Variants in EXTL2 observed in about 807,000 individuals in gnomAD.
EXTL2 encodes the protein exostosin like glycosyltransferase 2, also known as exostosin-like 2.
A neutral mutation model predicts 30.7 loss-of-function variants in EXTL2; 23 were observed. The ratio of observed to expected loss-of-function variants is 0.75; its 90% CI spans 0.54 to 1.06. The LOEUF is 1.06. Among genes scored for constraint, EXTL2 ranks in the 50% least tolerant of loss-of-function variants. The pLI, the probability that EXTL2 is intolerant of heterozygous loss-of-function variation, is 0.00. For synonymous variants in EXTL2, 123 were observed against 133.8 expected, an observed-to-expected ratio of 0.92 and a Z score of 0.56; for missense variants, 352 against 396.3, an observed-to-expected ratio of 0.89 and a Z score of 0.95.
At chr1:100,893,389 C>T (rs897266800) in intron 1 of EXTL2, among the ~76,000 whole-genome samples, 1 of 152,264 alleles carries the variant, frequency 6.6e-6, no homozygotes, top group South Asian at 2.1e-4. Flanking sequence ...TCACACTGCT[C>T]CAAGGGCATC....
intron 2 of EXTL2, chr1:100,878,487 C>G (rs1305897627): frequency 1.5e-5 from 7 of 470,284 alleles, no homozygotes; most frequent in African/African-American, 1.2e-4. Context: ...AAGGTGTCTG[C>G]TGTTAGTAGC....
Position 100,877,423 on chromosome 1 carries a change from C to T in EXTL2, c.433+53G>A, listed in dbSNP as rs1649209555. 6.8e-7 allele frequency: 1 copy of T among 1,461,738 alleles called. No homozygotes were observed. Among genetic ancestry groups the T allele is most frequent in the South Asian group, 1.4e-5 (1 of 72,360 alleles). 90.5% of individuals were successfully genotyped at this position (1,461,738 alleles called of 1,614,324 possible). ...AAGGCCAGAAATTCACATGTCTGTC[C>T]CAGCTCTGGACAGCGGCAGCCTTTC... On this transcript the variant is annotated intron_variant, in intron 3 of 4. Transcript: ENST00000370114. This position sits in a 1 kb window ranked among gnomAD's most constrained non-coding sequence, Gnocchi z 4.1.
rs114473090 is a variant in EXTL2 at position 100,875,743 on chromosome 1, C to A, written c.504+1051G>T. Among the ~76,000 whole-genome samples, 945 of 152,082 alleles carry A rather than the reference C, an allele frequency of 6.2e-3. 15 individuals are homozygous for A. Among genetic ancestry groups the A allele is most frequent in the African/African-American group, 0.02 (821 of 41,508 alleles). On this transcript the variant is annotated intron_variant, in intron 4 of 4. Coordinates refer to ENST00000370114, the MANE Select transcript of EXTL2 (RefSeq NM_001033025.3). ...AAAACCTGAAATCATATTTATATAT[C>A]TTTAATTTATAGTTTACTCAGATGG...
At chr1:100,880,130 G>C (rs556113997) in intron 2 of EXTL2, among the ~76,000 whole-genome samples, 1 of 152,198 alleles carries the variant, frequency 6.6e-6, no homozygotes, top group South Asian at 2.1e-4. Context: ...AGGACATAGA[G>C]AGATCATATA....
intron 2 of EXTL2, 197 bp downstream of exon 2, chr1:100,888,556 A>T (rs1232450375): frequency 3.7e-5 from 14 of 378,310 alleles, no homozygotes; most frequent in African/African-American, 2.9e-4. Context: ...GGGAGTAGGA[A>T]GAAATGGACA....
At chr1:100,892,930 T>C (rs1310267910) in intron 1 of EXTL2, among the ~76,000 whole-genome samples, 3 of 152,190 alleles carry the variant, frequency 2.0e-5, no homozygotes, top group African/African-American at 4.8e-5. Context: ...GAATGACAGA[T>C]AGCATCTTTC....
At chr1:100,885,313 T>C (rs1214226036) in intron 2 of EXTL2, among the ~76,000 whole-genome samples, 2 of 152,222 alleles carry the variant, frequency 1.3e-5, no homozygotes, top group African/African-American at 2.4e-5. Flanking sequence ...TGATTTGCCT[T>C]GGGGGGAAAG....
chr1:100,877,053 AC>A lies in EXTL2; in HGVS notation c.434-190del, dbSNP rs1333453512. Among the ~76,000 whole-genome samples the A allele has an allele frequency of 6.6e-6, 1 of 152,124 alleles. No individual in the cohort carries two copies. Among genetic ancestry groups the A allele is most frequent in the East Asian group, 1.9e-4 (1 of 5,172 alleles). On this transcript the variant is annotated intron_variant, in intron 3 of 4. Coordinates refer to ENST00000370114, the MANE Select transcript of EXTL2 (RefSeq NM_001033025.3). The surrounding 1 kb of genome is among the most constrained non-coding windows in gnomAD (Gnocchi z 4.1). ...TTTTGGTATCATAACTGATTGTATAACTGCCTGAAGGGAAAATAATCAAGCA... is the reference window on the plus strand; with the variant it reads ...TTTTGGTATCATAACTGATTGTATAATGCCTGAAGGGAAAATAATCAAGCA...
At chr1:100,881,541 A>G (rs1263062521) in intron 2 of EXTL2, among the ~76,000 whole-genome samples, 1 of 152,138 alleles carries the variant, frequency 6.6e-6, no homozygotes, top group Non-Finnish European at 1.5e-5. Flanking sequence ...TTCATTTTTT[A>G]AGTTATGTCT....
intron 2 of EXTL2, among the ~76,000 whole-genome samples, chr1:100,886,620 G>A (rs907992671): frequency 7.2e-5 from 11 of 151,996 alleles, no homozygotes. Flanking sequence ...AATGCTTCAG[G>A]CAGCTATTAT....
intron 1 of EXTL2, among the ~76,000 whole-genome samples, chr1:100,894,190 G>A (rs1650661317): frequency 6.6e-6 from 1 of 152,038 alleles, no homozygotes; most frequent in East Asian, 1.9e-4. Flanking sequence ...TATTGAATAA[G>A]GGCGTTTTGG....
At chr1:100,890,003 G>A (rs1650293640) in intron 1 of EXTL2, among the ~76,000 whole-genome samples, 1 of 152,180 alleles carries the variant, frequency 6.6e-6, no homozygotes, top group Admixed American at 6.5e-5. Context: ...AACTTTGTGT[G>A]GGGACTCCAA....
At position 100,873,841 on chromosome 1, in the gene EXTL2, G is replaced by A; in HGVS notation, c.*101C>T. On this transcript the variant is annotated 3_prime_UTR_variant, in exon 5 of 5. Transcript: ENST00000370114. ...TTTTTTTTCTATTGTAGAGACTTCTGGAGTAGATAAAATTCATGATGTTGC... is the reference window on the plus strand; with the variant it reads ...TTTTTTTTCTATTGTAGAGACTTCTAGAGTAGATAAAATTCATGATGTTGC... 1 of 1,201,318 alleles carries A rather than the reference G, an allele frequency of 8.3e-7. No homozygotes were observed. The highest frequency in any genetic ancestry group is 1.5e-5 in the African/African-American group (1 of 65,294). 74.4% of individuals were successfully genotyped at this position (1,201,318 alleles called of 1,614,324 possible).
chr1:100,888,660 G>T, intron 2 of EXTL2, 93 bp downstream of exon 2: 1 of 629,220 alleles, frequency 1.6e-6, no homozygotes, highest in South Asian at 2.4e-5. Flanking sequence ...TAACACTACT[G>T]AACTATATAC....
intron 2 of EXTL2, among the ~76,000 whole-genome samples, chr1:100,888,037 T>C (rs1244892475): frequency 6.6e-6 from 1 of 152,240 alleles, no homozygotes; most frequent in Non-Finnish European, 1.5e-5. Context: ...ATAGTCTCTA[T>C]ATCCAGCTTT....
In EXTL2 at chr1:100,873,471, A is replaced by G. The variant is rs1045051008; in HGVS notation, c.*471T>C. 19 of 153,116 alleles carry G rather than the reference A, an allele frequency of 1.2e-4. No individual in the cohort carries two copies. Among genetic ancestry groups the G allele is most frequent in the African/African-American group, 4.6e-4 (19 of 41,434 alleles). 9.5% of individuals were successfully genotyped at this position (153,116 alleles called of 1,614,324 possible). On this transcript the variant is annotated 3_prime_UTR_variant, in exon 5 of 5. Transcript: ENST00000370114. ...CTGGCAGCTGCAAATTTTCCTCTTCATATGTGACTGAGACTATTCTCTTCT... is the reference window on the plus strand; with the variant it reads ...CTGGCAGCTGCAAATTTTCCTCTTCGTATGTGACTGAGACTATTCTCTTCT...
chr1:100,877,494 G>T lies in EXTL2; in HGVS notation c.415C>A (p.Pro139Thr). 1 of 1,600,444 alleles carries T rather than the reference G, an allele frequency of 6.2e-7. No individual in the cohort carries two copies. The highest frequency in any genetic ancestry group is 8.5e-7 in the Non-Finnish European group (1 of 1,173,294). ...AACTCACCATTGGTTTCCAGTTCAG[G>T]AAAGACCTGGAGTCGATTTCTCATC... is the stretch of plus-strand genomic sequence containing the variant. ...NRMRNRLQVF[P>T]ELETNAVLMV... is the part of the protein sequence containing the mutation. The change falls in exon 3 of 5, where the codon CCT (proline) becomes ACT (threonine). Residue 139 changes from proline (P) to threonine (T), a missense_variant. By Grantham distance (38) the Pro-to-Thr change is conservative. Transcript: ENST00000370114. This position sits in a 1 kb window ranked among gnomAD's most constrained non-coding sequence, Gnocchi z 4.1.
chr1:100,890,816 T>G (rs1425152974), intron 1 of EXTL2, among the ~76,000 whole-genome samples: 1 of 152,246 alleles, frequency 6.6e-6, no homozygotes, highest in Non-Finnish European at 1.5e-5. Context: ...CATCTTCCTG[T>G]CTTCTGAGCT....
chr1:100,886,774 C>T (rs1650003964), intron 2 of EXTL2, among the ~76,000 whole-genome samples: 2 of 152,202 alleles, frequency 1.3e-5, no homozygotes, highest in Non-Finnish European at 2.9e-5. Context: ...TTTCTACTTT[C>T]AAACTGCGCA....
Sources: gnomAD v4.1 joint callset for allele counts (sites outside exome capture counted in the v4.1 genomes callset) on GRCh38, gnomAD v4.1.1 for gene constraint, Gnocchi (gnomAD v3.1) non-coding constraint, MANE v1.5 for transcripts, NCBI Gene and HGNC (gene_info 2026-07-23, HGNC 2026-07-21) for gene names.